DLC1: variants seen among roughly 807,000 people sequenced by gnomAD.
DLC1 encodes rho GTPase-activating protein 7.
A neutral mutation model predicts 140.3 loss-of-function variants in DLC1; 54 were observed. The ratio of observed to expected loss-of-function variants is 0.38; its 90% CI spans 0.31 to 0.48. The LOEUF (loss-of-function observed/expected upper bound fraction) is 0.48, where lower values mean the gene tolerates loss of function less well. Ranked by LOEUF, DLC1 falls within the 20% of genes least tolerant of loss-of-function variation. The pLI is 0.96. For synonymous variants in DLC1, 986 were observed against 728.1 expected (o/e 1.35, Z -5.70); for missense variants, 2,536 against 1,907.0 (o/e 1.33, Z -6.14).
chr8:13,089,220 G>C (rs939183914), intron 15 of DLC1, among the ~76,000 whole-genome samples: 1 of 151,900 alleles, frequency 6.6e-6, no homozygotes, highest in South Asian at 2.1e-4. Context: ...TCACACCACT[G>C]CACTCCAGCC....
chr8:13,462,561 G>T (rs1374052708), intron 2 of DLC1, among the ~76,000 whole-genome samples: 1 of 126,338 alleles, frequency 7.9e-6, no homozygotes, highest in African/African-American at 3.0e-5. Context: ...CCGCCACCAC[G>T]CCCAGCTATT....
At chr8:13,582,878 C>CCATATA (rs1461616416) in intron 1 of DLC1, among the ~76,000 whole-genome samples, 3,545 of 102,844 alleles carry the variant, frequency 0.034, 264 homozygotes, top group South Asian at 0.047. Flanking sequence ...ATACTGTGGT[C>CCATATA]TATATATATA....
At chr8:13,386,687 TTTA>T (rs1836532321) in intron 4 of DLC1, among the ~76,000 whole-genome samples, 1 of 152,116 alleles carries the variant, frequency 6.6e-6, no homozygotes, top group Non-Finnish European at 1.5e-5. Flanking sequence ...TGCACACTTA[TTTA>T]TTATTTCAAA....
intron 5 of DLC1, among the ~76,000 whole-genome samples, chr8:13,153,257 G>A (rs1823975009): frequency 3.3e-5 from 5 of 152,146 alleles, no homozygotes; most frequent in Admixed American, 3.3e-4. Context: ...TGAAGCTGCT[G>A]ATCTTCGCTG....
intron 5 of DLC1, among the ~76,000 whole-genome samples, chr8:13,261,383 A>G (rs1830461364): frequency 6.6e-6 from 1 of 152,100 alleles, no homozygotes; most frequent in African/African-American, 2.4e-5. Context: ...GTGAAGTGGG[A>G]AGAGTAGGTA....
At chr8:13,603,710 T>C (rs1406106890) in intron 1 of DLC1, among the ~76,000 whole-genome samples, 1 of 152,062 alleles carries the variant, frequency 6.6e-6, no homozygotes, top group Non-Finnish European at 1.5e-5. Flanking sequence ...AAGATGACTG[T>C]GCAATTACTT....
chr8:13,234,652 T>A (rs1337730573), intron 5 of DLC1, among the ~76,000 whole-genome samples: 1 of 152,126 alleles, frequency 6.6e-6, no homozygotes, highest in African/African-American at 2.4e-5. Context: ...TTTTTAAACA[T>A]CTTGTCTAGG....
chr8:13,492,975 C>G (rs1801330697), intron 2 of DLC1, among the ~76,000 whole-genome samples: 1 of 152,102 alleles, frequency 6.6e-6, no homozygotes, highest in Non-Finnish European at 1.5e-5. Flanking sequence ...ATTTACAAAG[C>G]TATTGGCTTT....
chr8:13,419,357 T>C (rs1232822206), intron 2 of DLC1, among the ~76,000 whole-genome samples: 2 of 152,174 alleles, frequency 1.3e-5, no homozygotes, highest in African/African-American at 4.8e-5. Context: ...GGGTTTGTCA[T>C]AGATAGCTCT....
At chr8:13,304,644 T>G (rs1321829599) in intron 5 of DLC1, 3 of 923,964 alleles carry the variant, frequency 3.2e-6, no homozygotes, top group African/African-American at 3.6e-5. Context: ...TGTTTTCGTT[T>G]TTATTACACA....
intron 6 of DLC1, among the ~76,000 whole-genome samples, chr8:13,114,353 C>T (rs112880676): frequency 6.6e-6 from 1 of 152,320 alleles, no homozygotes; most frequent in African/African-American, 2.4e-5. Context: ...CAGAGCGAGA[C>T]TCCGTCTCAA....
At chr8:13,409,842 A>G (rs1012319889) in intron 2 of DLC1, among the ~76,000 whole-genome samples, 2 of 152,150 alleles carry the variant, frequency 1.3e-5, no homozygotes, top group Admixed American at 6.5e-5. Context: ...GGACACTTCT[A>G]CGTGCTAAGG....
intron 2 of DLC1, among the ~76,000 whole-genome samples, chr8:13,430,596 G>A (rs1838821000): frequency 6.6e-6 from 1 of 152,090 alleles, no homozygotes; most frequent in Non-Finnish European, 1.5e-5. Context: ...AAGGTGAAAA[G>A]GGAACACACT....
chr8:13,440,731 G>C (rs879942376), intron 2 of DLC1, among the ~76,000 whole-genome samples: 2 of 152,032 alleles, frequency 1.3e-5, no homozygotes, highest in African/African-American at 2.4e-5. Context: ...TCTTTCCCCT[G>C]CTATTCTTGT....
upstream of DLC1, among the ~76,000 whole-genome samples, chr8:13,516,676 G>A (rs1216869972): frequency 2.6e-5 from 4 of 152,100 alleles, no homozygotes; most frequent in African/African-American, 9.7e-5. Flanking sequence ...GAGCATTTAG[G>A]TTTCTTTAAT....
chr8:13,348,717 A>G (rs371215145), intron 4 of DLC1, among the ~76,000 whole-genome samples: 2 of 152,222 alleles, frequency 1.3e-5, no homozygotes, highest in East Asian at 3.9e-4. Flanking sequence ...GAAGAAAGAA[A>G]GAAAATGAAT....
At chr8:13,264,760 AT>A (rs960321016) in intron 5 of DLC1, among the ~76,000 whole-genome samples, 2 of 152,258 alleles carry the variant, frequency 1.3e-5, no homozygotes, top group South Asian at 2.1e-4. Context: ...ATCTAAAGAT[AT>A]TTTTTGAGAA....
At chr8:13,267,427 C>G (rs1318742900) in intron 5 of DLC1, among the ~76,000 whole-genome samples, 1 of 151,984 alleles carries the variant, frequency 6.6e-6, no homozygotes, top group Non-Finnish European at 1.5e-5. Flanking sequence ...AGAGGTCACA[C>G]TTCAATCTGG....
intron 10 of DLC1, 39 bp downstream of exon 10, chr8:13,098,360 C>T (rs1563586800): frequency 1.9e-6 from 3 of 1,606,820 alleles, no homozygotes; most frequent in Non-Finnish European, 2.6e-6. Context: ...CCAAAAATAT[C>T]ATTTTCAACG....
Sources: allele counts gnomAD v4.1 joint callset (sites outside exome capture counted in the v4.1 genomes callset), GRCh38; gene constraint gnomAD v4.1.1; transcripts MANE v1.5; gene names NCBI Gene and HGNC (gene_info 2026-07-23, HGNC 2026-07-21).